SEC31B: variants seen among roughly 807,000 people sequenced by gnomAD.
SEC31B encodes protein transport protein Sec31B.
A neutral mutation model predicts 135.0 loss-of-function variants in SEC31B; 113 were observed. That is an observed-to-expected ratio of 0.84 (90% CI 0.72 to 0.98). The LOEUF (loss-of-function observed/expected upper bound fraction) is 0.98. Ranked by LOEUF, SEC31B falls within the 50% of genes least tolerant of loss-of-function variation. The pLI is 0.00. For synonymous variants in SEC31B, 508 were observed against 549.4 expected (o/e 0.92, Z 1.05); for missense variants, 1,296 against 1,421.1 (o/e 0.91, Z 1.42).
chr10:100,507,630 A>T (rs1363207362), intron 6 of SEC31B, 63 bp from the exon 7 acceptor site: 3 of 1,599,968 alleles, frequency 1.9e-6, no homozygotes, highest in Admixed American at 3.3e-5. Context: ...TTGAAATGGG[A>T]CCACTCTGAG....
intron 19 of SEC31B, among the ~76,000 whole-genome samples, chr10:100,493,552 G>A (rs1404989940): frequency 6.6e-6 from 1 of 152,102 alleles, no homozygotes; most frequent in Non-Finnish European, 1.5e-5. Context: ...AGTAACAATC[G>A]TTAAATAACA....
intron 10 of SEC31B, among the ~76,000 whole-genome samples, chr10:100,505,061 CG>C (rs1189494019): frequency 6.6e-6 from 1 of 151,642 alleles, no homozygotes; most frequent in Non-Finnish European, 1.5e-5. Flanking sequence ...AGTCCAGACA[CG>C]TAAGGGTTAG....
intron 1 of SEC31B, among the ~76,000 whole-genome samples, chr10:100,519,285 G>A (rs1322637553): frequency 1.3e-5 from 2 of 152,252 alleles, no homozygotes; most frequent in Non-Finnish European, 2.9e-5. Context: ...GGTCAGATTG[G>A]CCATGGGGGC....
At chr10:100,492,647 C>T (rs1277640287) in intron 19 of SEC31B, among the ~76,000 whole-genome samples, 1 of 152,182 alleles carries the variant, frequency 6.6e-6, no homozygotes, top group African/African-American at 2.4e-5. Flanking sequence ...TTGTAGACAG[C>T]ATGACTGTCT....
intron 23 of SEC31B, 120 bp downstream of exon 23, chr10:100,489,132 G>T: frequency 7.0e-7 from 1 of 1,438,276 alleles, no homozygotes; most frequent in Non-Finnish European, 9.3e-7. Flanking sequence ...AAGGACACCT[G>T]GTACCTGCCC....
At chr10:100,489,812 A>T in intron 21 of SEC31B, 51 bp from the exon 22 acceptor site, 1 of 1,612,576 alleles carries the variant, frequency 6.2e-7, no homozygotes, top group South Asian at 1.1e-5. Context: ...AAAACACTGG[A>T]AGTTTTTTAT....
At chr10:100,497,607 A>G (rs1851436928) in intron 16 of SEC31B, 60 bp downstream of exon 16, 2 of 1,612,494 alleles carry the variant, frequency 1.2e-6, no homozygotes, top group Admixed American at 1.7e-5. Flanking sequence ...TCCTGCATGC[A>G]TCCTTTGACT....
rs760051385 is a variant in SEC31B at position 100,505,368 on chromosome 10, G to A, written c.1172C>T (p.Ser391Leu). The change falls in exon 10 of 26, where the codon TCA (serine) becomes TTA (leucine). Residue 391 changes from serine (S) to leucine (L), a missense_variant. Transcript: ENST00000370345. ...PKWIRRPTGVSFAFGGKLVTF... is the reference protein window; with the variant it reads ...PKWIRRPTGVLFAFGGKLVTF... ...TACATCCACTACACTTACAGCAAAT[G>A]AAACACCTGTTGGTCTTCTAATCCA... is the stretch of plus-strand genomic sequence containing the variant. 2 of 1,613,024 alleles carry A rather than the reference G, an allele frequency of 1.2e-6. No homozygotes were observed. The highest frequency in any genetic ancestry group is 1.3e-5 in the African/African-American group (1 of 74,756).
At chr10:100,489,622 GGACT>G in intron 22 of SEC31B, 77 bp downstream of exon 22, 1 of 1,592,474 alleles carries the variant, frequency 6.3e-7, no homozygotes, top group South Asian at 1.1e-5. Flanking sequence ...AGAAGGGGAA[GGACT>G]GACTGAATCC....
At chr10:100,490,573 G>A (rs1851283426) in intron 20 of SEC31B, 133 bp downstream of exon 20, 1 of 981,986 alleles carries the variant, frequency 1.0e-6, no homozygotes. Flanking sequence ...GATAGCATTA[G>A]GAATTCAGAC....
intron 1 of SEC31B, among the ~76,000 whole-genome samples, chr10:100,517,828 T>C (rs1044974517): frequency 2.6e-5 from 4 of 152,192 alleles, no homozygotes; most frequent in East Asian, 1.9e-4. Context: ...ATCCACCCAA[T>C]TGCTCAACCC....
chr10:100,487,741 C>CTT lies in SEC31B; in HGVS notation c.3414_3415insAA (p.Gly1139LysfsTer30). On this transcript the variant is annotated frameshift_variant, in exon 26 of 26. Transcript: ENST00000370345. LOFTEE classifies it high-confidence loss of function. The stretch of plus-strand genomic sequence containing the variant: ...ACTGCAAGGCCCTGCTCAAAGCTTC[C>CTT]TGCATCCACACATCGGGCAACCTCA... 2 of 1,614,084 alleles carry CTT rather than the reference C, an allele frequency of 1.2e-6. No homozygotes were observed. Among genetic ancestry groups the CTT allele is most frequent in the Admixed American group, 1.7e-5 (1 of 60,032 alleles).
intron 14 of SEC31B, 62 bp from the exon 15 acceptor site, chr10:100,498,269 C>A: frequency 1.3e-6 from 2 of 1,515,378 alleles, no homozygotes; most frequent in South Asian, 1.2e-5. Context: ...CTGCCCCCTG[C>A]AGGGCCCACA....
chr10:100,501,781 C>T (rs7477246), intron 11 of SEC31B: 33,438 of 163,240 alleles, frequency 0.2, 3,587 homozygotes, highest in South Asian at 0.23. Context: ...TACAGTGGCA[C>T]CTGAACCCTA....
intron 18 of SEC31B, among the ~76,000 whole-genome samples, chr10:100,495,879 C>T (rs1347086447): frequency 6.6e-6 from 1 of 152,162 alleles, no homozygotes; most frequent in Admixed American, 6.5e-5. Context: ...ACTCAAGGTT[C>T]CTGAATCCCT....
Position 100,497,428 on chromosome 10 carries a change from G to A in SEC31B, c.1991-148C>T, listed in dbSNP as rs1227854688. 3 of 1,483,816 alleles carry A rather than the reference G, an allele frequency of 2.0e-6. No homozygotes were observed. The African/African-American group carries it at 4.2e-5, about 21-fold the overall frequency. The allele number at this position is 1,483,816 out of a possible 1,614,324, so 91.9% of individuals were successfully genotyped here. ...AGACTCACCTTGCTGTACAGAGAAGGGGAAAGTTCTCACATCATGGTGTGA... is the reference window on the plus strand; with the variant it reads ...AGACTCACCTTGCTGTACAGAGAAGAGGAAAGTTCTCACATCATGGTGTGA... On this transcript the variant is annotated intron_variant, in intron 16 of 25. Coordinates refer to ENST00000370345, the MANE Select transcript of SEC31B (RefSeq NM_015490.4).
Position 100,487,517 on chromosome 10 carries a change from CG to C in SEC31B, c.*98del. On this transcript the variant is annotated 3_prime_UTR_variant, in exon 26 of 26. Coordinates refer to ENST00000370345, the MANE Select transcript of SEC31B (RefSeq NM_015490.4). The stretch of plus-strand genomic sequence containing the variant: ...CATACCTGGCAGCAAGGAAAAGAGT[CG>C]GGAAAAAGAAACAGAATCTGTTGCA... 8.5e-7 allele frequency: 1 copy of C among 1,174,186 alleles called. No individual in the cohort carries two copies. The highest frequency in any genetic ancestry group is 1.2e-6 in the Non-Finnish European group (1 of 833,590). The allele number at this position is 1,174,186 out of a possible 1,614,324, so 72.7% of individuals were successfully genotyped here.
At position 100,490,100 on chromosome 10, in the gene SEC31B, G is replaced by A; in HGVS notation, c.2873C>T (p.Pro958Leu). The part of the protein sequence containing the change: ...GRMVSHTPAP[P>L]ASFPVPYLPG... Reference sequence around the variant, plus strand: ...AAGGTATGGCACAGGGAAGCTTGCAGGAGGGGCTGGGGTGTGGGAGACCAT... The same window carrying A: ...AAGGTATGGCACAGGGAAGCTTGCAAGAGGGGCTGGGGTGTGGGAGACCAT... Residue 958 changes from proline (P) to leucine (L), a missense_variant, in exon 21 of 26, where the codon CCT (proline) becomes CTT (leucine). Pro to Leu is a moderately conservative substitution (Grantham distance 98, BLOSUM62 -3). Coordinates refer to ENST00000370345, the MANE Select transcript of SEC31B (RefSeq NM_015490.4). The A allele has an allele frequency of 4.4e-6, 7 of 1,581,914 alleles. No homozygotes were observed. Among genetic ancestry groups the A allele is most frequent in the Non-Finnish European group, 6.0e-6 (7 of 1,166,142 alleles).
intron 5 of SEC31B, chr10:100,508,686 C>T: frequency 2.3e-6 from 1 of 428,208 alleles, no homozygotes; most frequent in South Asian, 2.1e-5. Context: ...AATGCCCTAC[C>T]CAACCCTGCG....
Sources: allele counts gnomAD v4.1 joint callset (sites outside exome capture counted in the v4.1 genomes callset), GRCh38; gene constraint gnomAD v4.1.1; transcripts MANE v1.5; gene names NCBI Gene and HGNC (gene_info 2026-07-23, HGNC 2026-07-21).